NHSL3: variants seen among roughly 807,000 people sequenced by gnomAD.
NHSL3 encodes the protein NHS like 3.
At chr1:32,762,763 T>C in the NHSL3 span, among the ~76,000 whole-genome samples, 1 of 152,106 alleles carries the variant, frequency 6.6e-6, no homozygotes, top group African/African-American at 2.4e-5. Context: ...CTAATTTTTG[T>C]ATTTTTAGTA....
the NHSL3 span, among the ~76,000 whole-genome samples, chr1:32,769,114 C>T: frequency 6.6e-6 from 1 of 151,988 alleles, no homozygotes; most frequent in African/African-American, 2.4e-5. Flanking sequence ...ATTAGCCTTG[C>T]CTGATGGCGG....
chr1:32,741,980 C>T, the NHSL3 span: 2 of 1,169,950 alleles, frequency 1.7e-6, no homozygotes, highest in Non-Finnish European at 2.1e-6. The surrounding 1 kb of genome is among the most constrained non-coding windows in gnomAD (Gnocchi z 4.3). Flanking sequence ...CCCCCCGCCG[C>T]ACCTGCGGCC....
the NHSL3 span, chr1:32,771,057 C>T: frequency 6.2e-7 from 1 of 1,613,412 alleles, no homozygotes; most frequent in Non-Finnish European, 8.5e-7. Flanking sequence ...GGGCCTCCGT[C>T]TCCTCTTCCC....
chr1:32,755,763 T>A, the NHSL3 span, among the ~76,000 whole-genome samples: 3 of 152,172 alleles, frequency 2.0e-5, no homozygotes, highest in East Asian at 5.8e-4. Flanking sequence ...TGAGGATTTC[T>A]CAGAAGGTAG....
chr1:32,754,726 T>C, the NHSL3 span, among the ~76,000 whole-genome samples: 1 of 152,120 alleles, frequency 6.6e-6, no homozygotes, highest in Non-Finnish European at 1.5e-5. Context: ...CACACACGCT[T>C]ATTTCCCAGA....
At chr1:32,762,783 T>C in the NHSL3 span, among the ~76,000 whole-genome samples, 1 of 152,072 alleles carries the variant, frequency 6.6e-6, no homozygotes, top group African/African-American at 2.4e-5. Flanking sequence ...AGAGACGGGC[T>C]TTCACCATAT....
the NHSL3 span, among the ~76,000 whole-genome samples, chr1:32,742,721 G>A: frequency 2.0e-5 from 3 of 152,224 alleles, no homozygotes; most frequent in Non-Finnish European, 2.9e-5. Context: ...TAACAGTGCT[G>A]GCTTTTCCCA....
chr1:32,772,021 T>G, the NHSL3 span: 1 of 1,604,450 alleles, frequency 6.2e-7, no homozygotes, highest in Non-Finnish European at 8.5e-7. Flanking sequence ...TGAAGGCCTC[T>G]CAAGTGCTCA....
At chr1:32,741,995 A>T in the NHSL3 span, 6 of 1,200,192 alleles carry the variant, frequency 5.0e-6, no homozygotes, top group African/African-American at 8.0e-5. This position sits in a 1 kb window ranked among gnomAD's most constrained non-coding sequence, Gnocchi z 4.3. Context: ...GCGGCCGAGG[A>T]GCCGGGGAAC....
At chr1:32,771,962 C>G in the NHSL3 span, 1 of 1,605,998 alleles carries the variant, frequency 6.2e-7, no homozygotes, top group Non-Finnish European at 8.5e-7. Flanking sequence ...GCCCCCTCCT[C>G]AGGGCTCCAT....
At chr1:32,754,239 C>G in the NHSL3 span, 1 of 696,564 alleles carries the variant, frequency 1.4e-6, no homozygotes, top group Admixed American at 2.1e-5. Context: ...GCGGTCGTCG[C>G]CACCGCTGCT....
At chr1:32,748,934 C>T in the NHSL3 span, among the ~76,000 whole-genome samples, 14 of 152,214 alleles carry the variant, frequency 9.2e-5, no homozygotes, top group South Asian at 4.2e-4. Flanking sequence ...AGGGTCCAGA[C>T]GGGAGAGGGA....
chr1:32,772,242 T>G, the NHSL3 span: 60 of 1,603,520 alleles, frequency 3.7e-5, no homozygotes, highest in Non-Finnish European at 5.0e-5. Flanking sequence ...CACCTAAGGC[T>G]CCCCCACCTG....
the NHSL3 span, chr1:32,768,076 A>C: frequency 6.2e-7 from 1 of 1,614,088 alleles, no homozygotes; most frequent in Non-Finnish European, 8.5e-7. Context: ...ACAGAAACTG[A>C]ACAAGGGTGG....
the NHSL3 span, among the ~76,000 whole-genome samples, chr1:32,753,680 G>A: frequency 6.6e-6 from 1 of 152,190 alleles, no homozygotes. Context: ...TGACAGTCAC[G>A]GGGAGGTGGC....
At chr1:32,758,211 G>A in the NHSL3 span, among the ~76,000 whole-genome samples, 2 of 152,174 alleles carry the variant, frequency 1.3e-5, no homozygotes, top group Non-Finnish European at 2.9e-5. Context: ...TCGGTCCTGG[G>A]TAGGTTGGGG....
chr1:32,750,039 A>G, the NHSL3 span, among the ~76,000 whole-genome samples: 59 of 152,190 alleles, frequency 3.9e-4, no homozygotes, highest in Admixed American at 3.6e-3. Flanking sequence ...AAGAAAACGA[A>G]TAAGAGGAAG....
chr1:32,755,432 G>T, the NHSL3 span, among the ~76,000 whole-genome samples: 1 of 152,160 alleles, frequency 6.6e-6, no homozygotes, highest in African/African-American at 2.4e-5. Flanking sequence ...CTCCATGGAG[G>T]GGGTGGTGGA....
chr1:32,756,425 A>ACTTGAGCC, the NHSL3 span, among the ~76,000 whole-genome samples: 1 of 141,676 alleles, frequency 7.1e-6, no homozygotes, highest in Non-Finnish European at 1.5e-5. Flanking sequence ...TGGGAGGATA[A>ACTTGAGCC]CTTGAGCCCA....
Sources: allele counts gnomAD v4.1 joint callset (sites outside exome capture counted in the v4.1 genomes callset), GRCh38; gene constraint gnomAD v4.1.1; non-coding constraint Gnocchi (gnomAD v3.1); transcripts MANE v1.5; gene names NCBI Gene and HGNC (gene_info 2026-07-23, HGNC 2026-07-21).